PIK3CG: variants seen among roughly 807,000 people sequenced by gnomAD.
PIK3CG encodes the protein phosphatidylinositol 4,5-bisphosphate 3-kinase catalytic subunit gamma isoform.
In PIK3CG, 55 loss-of-function variants were observed where a neutral mutation model predicts 102.3. The observed-to-expected ratio is 0.54, with a 90% CI of 0.43 to 0.67. The LOEUF is 0.67. Ranked by LOEUF, PIK3CG falls within the 30% of genes least tolerant of loss-of-function variation. The probability of loss-of-function intolerance (pLI) is 0.00; values close to 1 mark genes in which losing one functional copy is unlikely to be tolerated. For synonymous variants in PIK3CG, 552 were observed against 540.0 expected (o/e 1.02, Z -0.31); for missense variants, 1,258 against 1,391.8 (o/e 0.90, Z 1.53).
intron 9 of PIK3CG, among the ~76,000 whole-genome samples, chr7:106,885,538 A>T (rs1165901874): frequency 6.6e-6 from 1 of 152,142 alleles, no homozygotes; most frequent in African/African-American, 2.4e-5. Context: ...ATTAAAAGAG[A>T]TAATATATTT....
rs1423029415 is a variant in PIK3CG at position 106,897,930 on chromosome 7, T to C, written c.3031-7179T>C. Among the ~76,000 whole-genome samples, 2 of 152,230 alleles carry C rather than the reference T, an allele frequency of 1.3e-5. No individual in the cohort carries two copies. Among genetic ancestry groups the C allele is most frequent in the East Asian group, 3.9e-4 (2 of 5,192 alleles). ...GATTTCTGGATCAAAATGGTAGTCATGCTTTTAGCTCTTTGAAGAATCGCC... is the reference window on the plus strand; with the variant it reads ...GATTTCTGGATCAAAATGGTAGTCACGCTTTTAGCTCTTTGAAGAATCGCC... On this transcript the variant is annotated intron_variant, in intron 10 of 10. Coordinates refer to ENST00000496166, the MANE Select transcript of PIK3CG (RefSeq NM_001282426.2). This position sits in a 1 kb window ranked among gnomAD's most constrained non-coding sequence, Gnocchi z 4.6.
In PIK3CG at chr7:106,879,492, G is replaced by T. The variant is rs1295053646; in HGVS notation, c.2392-27G>T. On this transcript the variant is annotated intron_variant, in intron 5 of 10. Transcript: ENST00000496166. The surrounding 1 kb of genome is among the most constrained non-coding windows in gnomAD (Gnocchi z 4.9). Reference sequence around the variant, plus strand: ...TGTATATTCGTTATTCATTGTGTGTGGGGAATATGTGACTGCTTCCTTACA... The same window carrying T: ...TGTATATTCGTTATTCATTGTGTGTTGGGAATATGTGACTGCTTCCTTACA... 5.0e-6 allele frequency: 8 copies of T among 1,592,782 alleles called. No homozygotes were observed. The highest frequency in any genetic ancestry group is 6.9e-6 in the Non-Finnish European group (8 of 1,160,888).
chr7:106,897,597 A>G lies in PIK3CG; in HGVS notation c.3031-7512A>G, dbSNP rs990939329. 6.6e-6 allele frequency among the ~76,000 whole-genome samples: 1 copy of G among 152,104 alleles called. No homozygotes were observed. The highest frequency in any genetic ancestry group is 1.5e-5 in the Non-Finnish European group (1 of 68,002). ...TTCCTTGTGTTCATAAGTTCTTATC[A>G]TTTAGCTCCCACTTATAAGAGAGAA... On this transcript the variant is annotated intron_variant, in intron 10 of 10. Coordinates refer to ENST00000496166, the MANE Select transcript of PIK3CG (RefSeq NM_001282426.2). This position sits in a 1 kb window ranked among gnomAD's most constrained non-coding sequence, Gnocchi z 4.6.
Position 106,868,473 on chromosome 7 carries a change from C to T in PIK3CG, c.912C>T (p.His304=), listed in dbSNP as rs781471062. The T allele has an allele frequency of 6.2e-7, 1 of 1,614,190 alleles. No homozygotes were observed. Among genetic ancestry groups the T allele is most frequent in the Admixed American group, 1.7e-5 (1 of 60,034 alleles). Reference sequence around the variant, plus strand: ...GCCTCAAGAACGGAGAAGAGATTCACGTGGTACTGGACACGCCTCCAGACC... The same window carrying T: ...GCCTCAAGAACGGAGAAGAGATTCATGTGGTACTGGACACGCCTCCAGACC... ...RHCLKNGEEI[H]VVLDTPPDPA... Residue 304 remains histidine, a synonymous_variant, in exon 2 of 11, where the codon CAC becomes CAT. Coordinates refer to ENST00000496166, the MANE Select transcript of PIK3CG (RefSeq NM_001282426.2). This position sits in a 1 kb window ranked among gnomAD's most constrained non-coding sequence, Gnocchi z 6.2.
chr7:106,873,480 CT>C (rs1013309151), intron 4 of PIK3CG, among the ~76,000 whole-genome samples: 6 of 152,110 alleles, frequency 3.9e-5, no homozygotes, highest in Non-Finnish European at 7.4e-5. Context: ...CATGTACAGA[CT>C]TTTTTTCCTG....
intron 10 of PIK3CG, among the ~76,000 whole-genome samples, chr7:106,900,464 A>G (rs753202001): frequency 3.3e-5 from 5 of 152,048 alleles, no homozygotes; most frequent in Non-Finnish European, 5.9e-5. Flanking sequence ...TACGCATGAG[A>G]TGGGTCTCTT....
At chr7:106,900,122 G>A (rs148028694) in intron 10 of PIK3CG, among the ~76,000 whole-genome samples, 1,768 of 151,962 alleles carry the variant, frequency 0.012, 20 homozygotes, top group Non-Finnish European at 0.018. Flanking sequence ...TCTCTTCTAG[G>A]TTTTCTAGTT....
chr7:106,867,976 C>G lies in PIK3CG; in HGVS notation c.415C>G (p.Gln139Glu), dbSNP rs779981774. Residue 139 changes from glutamine to glutamate, a missense_variant, in exon 2 of 11, where the codon CAG (glutamine) becomes GAG (glutamate). Around this residue, in one of 2 missense-constraint regions of PIK3CG, gnomAD observed 832 missense variants for 787.5 expected, o/e 1.06. Coordinates refer to ENST00000496166, the MANE Select transcript of PIK3CG (RefSeq NM_001282426.2). This position sits in a 1 kb window ranked among gnomAD's most constrained non-coding sequence, Gnocchi z 5.1. Reference protein sequence around the residue: ...HRSPGQIHLVQRHPPSEESQA... With the variant: ...HRSPGQIHLVERHPPSEESQA... ...GAGCCCGGGCCAGATCCACCTGGTG[C>G]AGCGGCACCCGCCCTCCGAGGAGTC... The G allele has an allele frequency of 1.5e-5, 24 of 1,612,276 alleles. No individual in the cohort carries two copies. Among genetic ancestry groups the G allele is most frequent in the Non-Finnish European group, 2.0e-5 (24 of 1,179,250 alleles).
rs750834144 is a variant in PIK3CG, at chr7:106,867,635, C to T, written c.74C>T (p.Pro25Leu). ...DNCRRRRRMK[P>L]RSAAASLSSM... ...TGCCGAAGGCGCCGGAGGATGAAGCCGCGCAGTGCTGCGGCCAGCCTGTCC... is the reference window on the plus strand; with the variant it reads ...TGCCGAAGGCGCCGGAGGATGAAGCTGCGCAGTGCTGCGGCCAGCCTGTCC... Residue 25 changes from proline (P) to leucine (L), a missense_variant, in exon 2 of 11, where the codon CCG (proline) becomes CTG (leucine). Pro to Leu is a moderately conservative substitution (Grantham distance 98). Transcript: ENST00000496166. The surrounding 1 kb of genome is among the most constrained non-coding windows in gnomAD (Gnocchi z 5.1). 6.2e-7 allele frequency: 1 copy of T among 1,612,698 alleles called. No individual in the cohort carries two copies. The highest frequency in any genetic ancestry group is 8.5e-7 in the Non-Finnish European group (1 of 1,179,656).
chr7:106,906,080 C>G lies in PIK3CG; in HGVS notation c.*693C>G. ...TGAGACTTTTTGTGTCAACTCTGTC[C>G]ACAAGAGTGAGTTATCTAGTATGAT... is the stretch of plus-strand genomic sequence containing the variant. On this transcript the variant is annotated 3_prime_UTR_variant, in exon 11 of 11. Transcript: ENST00000496166. The G allele has an allele frequency of 4.4e-6, 1 of 226,122 alleles. No homozygotes were observed. Among genetic ancestry groups the G allele is most frequent in the Middle Eastern group, 1.3e-3 (1 of 756 alleles). The allele number at this position is 226,122 out of a possible 1,614,324, so 14.0% of individuals were successfully genotyped here.
chr7:106,881,328 T>G (rs1790925993), intron 6 of PIK3CG, among the ~76,000 whole-genome samples: 1 of 152,148 alleles, frequency 6.6e-6, no homozygotes, highest in Non-Finnish European at 1.5e-5. Context: ...ACCTGTAGAA[T>G]GGGAATAATA....
rs1790395192 is a variant in PIK3CG, at chr7:106,868,391, G to C, written c.830G>C (p.Arg277Pro). 6.2e-7 allele frequency: 1 copy of C among 1,614,244 alleles called. No homozygotes were observed. Among genetic ancestry groups the C allele is most frequent in the South Asian group, 1.1e-5 (1 of 91,090 alleles). The change falls in exon 2 of 11, where the codon CGG becomes CCG. Residue 277 changes from arginine to proline, a missense_variant. Transcript: ENST00000496166. The surrounding 1 kb of genome is among the most constrained non-coding windows in gnomAD (Gnocchi z 6.2). ...EQDFVLRVCGRDEYLVGETPI... is the reference protein window; with the variant it reads ...EQDFVLRVCGPDEYLVGETPI... ...GATTTTGTGCTGCGCGTCTGTGGCC[G>C]GGATGAGTACCTGGTGGGCGAAACG...
chr7:106,867,037 A>C lies in PIK3CG; in HGVS notation c.-12-513A>C, dbSNP rs1455611427. Reference sequence around the variant, plus strand: ...GAGATTTTTTGGCATCTCGTGTTGCACCTTGTAAACTGGGACTTGAACCTT... The same window carrying C: ...GAGATTTTTTGGCATCTCGTGTTGCCCCTTGTAAACTGGGACTTGAACCTT... On this transcript the variant is annotated intron_variant, in intron 1 of 10. Coordinates refer to ENST00000496166, the MANE Select transcript of PIK3CG (RefSeq NM_001282426.2). This position sits in a 1 kb window ranked among gnomAD's most constrained non-coding sequence, Gnocchi z 5.1. 1.3e-5 allele frequency among the ~76,000 whole-genome samples: 2 copies of C among 152,160 alleles called. No individual in the cohort carries two copies. The highest frequency in any genetic ancestry group is 1.5e-5 in the Non-Finnish European group (1 of 68,040).
intron 6 of PIK3CG, 58 bp from the exon 7 acceptor site, chr7:106,882,058 GA>G: frequency 2.9e-6 from 2 of 699,418 alleles, no homozygotes; most frequent in Non-Finnish European, 4.1e-6. Context: ...TAAGGGAGAA[GA>G]AAAATATATT....
chr7:106,885,893 T>C (rs1014188188), intron 9 of PIK3CG, among the ~76,000 whole-genome samples: 5 of 152,196 alleles, frequency 3.3e-5, no homozygotes, highest in African/African-American at 4.8e-5. Context: ...GAGAATCTTA[T>C]AGTGGCATCT....
rs1033030444 is a variant in PIK3CG at position 106,908,267 on chromosome 7, G to GCATGGGTC, written c.*2885_*2892dup. 2.6e-5 allele frequency among the ~76,000 whole-genome samples: 4 copies of GCATGGGTC among 152,344 alleles called. No homozygotes were observed. Among genetic ancestry groups the GCATGGGTC allele is most frequent in the African/African-American group, 9.6e-5 (4 of 41,592 alleles). On this transcript the variant is annotated 3_prime_UTR_variant, in exon 11 of 11. Coordinates refer to ENST00000496166, the MANE Select transcript of PIK3CG (RefSeq NM_001282426.2). The surrounding 1 kb of genome is among the most constrained non-coding windows in gnomAD (Gnocchi z 4.1). The stretch of plus-strand genomic sequence containing the variant: ...TCTGAGCATGAGGCTCTGTGTGACT[G>GCATGGGTC]CATGGGTCCATGAGACCAGCACTGT...
intron 10 of PIK3CG, among the ~76,000 whole-genome samples, chr7:106,901,331 C>A (rs964941924): frequency 6.6e-6 from 1 of 150,386 alleles, no homozygotes; most frequent in Non-Finnish European, 1.5e-5. Context: ...AGATTCTTTT[C>A]TCAGCTTGGC....
At position 106,902,113 on chromosome 7, in the gene PIK3CG, A is replaced by G. The variant is rs1791573099; in HGVS notation, c.3031-2996A>G. On this transcript the variant is annotated intron_variant, in intron 10 of 10. Transcript: ENST00000496166. This position sits in a 1 kb window ranked among gnomAD's most constrained non-coding sequence, Gnocchi z 4.3. ...AGGCAGCAGAGGAAGGGACTTTGGT[A>G]TTGGTTGTGGCCAAGGGTCATTTGC... Among the ~76,000 whole-genome samples, 1 of 152,092 alleles carries G rather than the reference A, an allele frequency of 6.6e-6. No homozygotes were observed. Among genetic ancestry groups the G allele is most frequent in the South Asian group, 2.1e-4 (1 of 4,824 alleles).
In PIK3CG at chr7:106,895,127, A is replaced by C. The variant is rs1242164951; in HGVS notation, c.3030+8835A>C. 6.6e-6 allele frequency among the ~76,000 whole-genome samples: 1 copy of C among 152,214 alleles called. No homozygotes were observed. The highest frequency in any genetic ancestry group is 1.5e-5 in the Non-Finnish European group (1 of 68,030). ...CATTAATAATAATGTAATGTTCCCC[A>C]CATTTGTAGTCATTAACAAGTGCAT... is the stretch of plus-strand genomic sequence containing the variant. On this transcript the variant is annotated intron_variant, in intron 10 of 10. Coordinates refer to ENST00000496166, the MANE Select transcript of PIK3CG (RefSeq NM_001282426.2). The surrounding 1 kb of genome is among the most constrained non-coding windows in gnomAD (Gnocchi z 5.4).
Sources: allele counts gnomAD v4.1 joint callset (sites outside exome capture counted in the v4.1 genomes callset), GRCh38; gene constraint gnomAD v4.1.1; regional missense constraint gnomAD v4.1.1; non-coding constraint Gnocchi (gnomAD v3.1); transcripts MANE v1.5; gene names NCBI Gene and HGNC (gene_info 2026-07-23, HGNC 2026-07-21).